TTLL11: variants seen among roughly 807,000 people sequenced by gnomAD.
The protein encoded by TTLL11 is tubulin tyrosine ligase like 11.
In TTLL11, 42 loss-of-function variants were observed where a neutral mutation model predicts 51.7. The observed-to-expected ratio is 0.81, with a 90% CI of 0.64 to 1.05. TTLL11 has a LOEUF of 1.05. TTLL11 is among the 50% of genes least tolerant of loss of function. TTLL11 has a pLI of 0.00. For synonymous variants in TTLL11, 381 were observed against 383.5 expected (o/e 0.99, Z 0.08); for missense variants, 799 against 940.4 (o/e 0.85, Z 1.97).
At chr9:121,951,947 C>T (rs956567830) in intron 6 of TTLL11, among the ~76,000 whole-genome samples, 7 of 152,136 alleles carry the variant, frequency 4.6e-5, no homozygotes, top group Admixed American at 2.0e-4. Flanking sequence ...ACTGTCATGG[C>T]GCTGGTGGGA....
At chr9:121,942,738 ATT>A (rs34352222) in intron 6 of TTLL11, among the ~76,000 whole-genome samples, 6,520 of 97,810 alleles carry the variant, frequency 0.067, 103 homozygotes, top group Admixed American at 0.085. Flanking sequence ...AATCTGTCTT[ATT>A]TTTTTTTTTT....
intron 1 of TTLL11, among the ~76,000 whole-genome samples, chr9:122,081,234 C>T (rs568715729): frequency 5.3e-5 from 8 of 152,318 alleles, no homozygotes; most frequent in South Asian, 2.1e-4. Flanking sequence ...AGGAGCAATA[C>T]GGTCCACTAG....
intron 1 of TTLL11, among the ~76,000 whole-genome samples, chr9:122,057,111 A>G (rs1845307836): frequency 6.6e-6 from 1 of 152,210 alleles, no homozygotes; most frequent in South Asian, 2.1e-4. Flanking sequence ...AGTGGGCGCC[A>G]AGAACAAATA....
intron 8 of TTLL11, among the ~76,000 whole-genome samples, chr9:121,826,175 A>AG (rs1836746719): frequency 2.4e-5 from 1 of 41,978 alleles, no homozygotes. Context: ...TATATATATA[A>AG]CCAGTAACCT....
At chr9:122,067,312 CAA>C (rs1305816706) in intron 1 of TTLL11, among the ~76,000 whole-genome samples, 1 of 152,160 alleles carries the variant, frequency 6.6e-6, no homozygotes, top group East Asian at 1.9e-4. Context: ...AAAACAAAAA[CAA>C]AAGAGGCACT....
At chr9:121,829,462 C>T (rs957142761) in intron 8 of TTLL11, among the ~76,000 whole-genome samples, 2 of 151,982 alleles carry the variant, frequency 1.3e-5, no homozygotes, top group Non-Finnish European at 2.9e-5. Flanking sequence ...TGGCTATAGA[C>T]TTTTGAAAAG....
chr9:122,068,812 C>T (rs1229071162), intron 1 of TTLL11, among the ~76,000 whole-genome samples: 1 of 152,188 alleles, frequency 6.6e-6, no homozygotes, highest in African/African-American at 2.4e-5. Context: ...TGACCAGGTG[C>T]CTGAGTTCCA....
intron 6 of TTLL11, among the ~76,000 whole-genome samples, chr9:121,944,341 C>T (rs1260274114): frequency 2.0e-5 from 3 of 152,070 alleles, no homozygotes; most frequent in African/African-American, 4.8e-5. Flanking sequence ...ATCCCCGCCT[C>T]CACTAAAAAC....
intron 8 of TTLL11, among the ~76,000 whole-genome samples, chr9:121,846,073 A>T (rs71497048): frequency 0.67 from 101,235 of 151,424 alleles, 34,229 homozygotes; most frequent in East Asian, 0.77. Flanking sequence ...AGATAGATAA[A>T]AAAGCAAAGG....
chr9:122,069,555 C>T (rs1026987997), intron 1 of TTLL11, among the ~76,000 whole-genome samples: 1 of 152,108 alleles, frequency 6.6e-6, no homozygotes, highest in Admixed American at 6.5e-5. Context: ...GGTGGAGCAT[C>T]CCTGTAGTCC....
chr9:121,847,036 CCA>C (rs1373007128), intron 8 of TTLL11, among the ~76,000 whole-genome samples: 5 of 152,020 alleles, frequency 3.3e-5, no homozygotes, highest in South Asian at 2.1e-4. Flanking sequence ...AGGTGAAACC[CCA>C]TCTCTACTAA....
At chr9:121,838,758 G>GAGAAAGCAAGCAAGCA (rs1837256916) in intron 8 of TTLL11, among the ~76,000 whole-genome samples, 1 of 90,704 alleles carries the variant, frequency 1.1e-5, no homozygotes, top group Non-Finnish European at 2.8e-5. Context: ...GAAAGAAAGA[G>GAGAAAGCAAGCAAGCA]AGAAAGCAAG....
intron 1 of TTLL11, among the ~76,000 whole-genome samples, chr9:122,087,337 T>C (rs1294698254): frequency 6.6e-6 from 1 of 152,044 alleles, no homozygotes; most frequent in Non-Finnish European, 1.5e-5. Context: ...AGCCTCTCAA[T>C]ACAATTTTTC....
At chr9:121,840,986 G>A (rs766440157) in intron 8 of TTLL11, among the ~76,000 whole-genome samples, 5 of 152,214 alleles carry the variant, frequency 3.3e-5, no homozygotes, top group African/African-American at 4.8e-5. Context: ...CTGATCCAGC[G>A]AGCTATGACG....
intron 1 of TTLL11, among the ~76,000 whole-genome samples, chr9:122,068,634 G>GT (rs2131887843): frequency 6.6e-6 from 1 of 152,342 alleles, no homozygotes; most frequent in African/African-American, 2.4e-5. Context: ...CACTCAGCTA[G>GT]TAAGAAGCAG....
At chr9:121,956,058 G>C (rs1041656796) in intron 6 of TTLL11, among the ~76,000 whole-genome samples, 1 of 151,440 alleles carries the variant, frequency 6.6e-6, no homozygotes. Context: ...ACTCCTAGAA[G>C]GACCTAAGTT....
chr9:121,931,261 G>A (rs959491125), intron 6 of TTLL11, among the ~76,000 whole-genome samples: 1 of 152,206 alleles, frequency 6.6e-6, no homozygotes, highest in Non-Finnish European at 1.5e-5. Flanking sequence ...ATGGCACCAG[G>A]CCACCCTACG....
At position 121,821,963 on chromosome 9, in the gene TTLL11, T is replaced by C. The variant is rs777600986; in HGVS notation, c.*624A>G. The C allele has an allele frequency of 2.0e-5, 3 of 152,172 alleles. No homozygotes were observed. The highest frequency in any genetic ancestry group is 4.4e-5 in the Non-Finnish European group (3 of 68,028). The allele number at this position is 152,172 out of a possible 1,614,324, so 9.4% of individuals were successfully genotyped here. On this transcript the variant is annotated 3_prime_UTR_variant, in exon 9 of 9. Coordinates refer to ENST00000321582, the MANE Select transcript of TTLL11 (RefSeq NM_001139442.2). The surrounding 1 kb of genome is among the most constrained non-coding windows in gnomAD (Gnocchi z 5.0). The stretch of plus-strand genomic sequence containing the variant: ...TGCCAGCTCTGAGGCTCCAGGAGTC[T>C]TAGTTACTTCTTAATTAATTTTTTC...
chr9:121,844,853 G>A (rs535746105), intron 8 of TTLL11, among the ~76,000 whole-genome samples: 2 of 152,010 alleles, frequency 1.3e-5, no homozygotes, highest in East Asian at 3.9e-4. Flanking sequence ...TGAAAAAAAG[G>A]AGACTATCCA....
Sources: allele counts gnomAD v4.1 joint callset (sites outside exome capture counted in the v4.1 genomes callset), GRCh38; gene constraint gnomAD v4.1.1; non-coding constraint Gnocchi (gnomAD v3.1); transcripts MANE v1.5; gene names NCBI Gene and HGNC (gene_info 2026-07-23, HGNC 2026-07-21).